The following PPP4R4 variants were observed in gnomAD, a reference collection of about 807,000 sequenced individuals.
PPP4R4 encodes the protein protein phosphatase 4 regulatory subunit 4, also known as serine/threonine-protein phosphatase 4 regulatory subunit 4.
PPP4R4 carries 70 observed loss-of-function variants against 121.8 expected under a neutral mutation model. The ratio of observed to expected loss-of-function variants is 0.57; its 90% CI spans 0.47 to 0.70. The LOEUF is 0.70. Ranked by LOEUF, PPP4R4 falls within the 30% of genes least tolerant of loss-of-function variation. The pLI is 0.00. For missense variants in PPP4R4, 875 were observed against 1,033.6 expected (o/e 0.85, Z 2.10); for synonymous variants, 348 against 355.7 (o/e 0.98, Z 0.24).
intron 3 of PPP4R4, among the ~76,000 whole-genome samples, chr14:94,213,216 C>T (rs2139463684): frequency 6.6e-6 from 1 of 152,140 alleles, no homozygotes; most frequent in East Asian, 1.9e-4. Context: ...GCCCTGAGTC[C>T]TCACTCTTTA....
Position 94,231,243 on chromosome 14 carries a change from T to G in PPP4R4, c.444T>G (p.Gly148=). The stretch of plus-strand genomic sequence containing the variant: ...GTATGTTTTATCTCTGTCAACCAGG[T>G]GTCAGCAATGCATGGCTGGAAACTC... The part of the protein sequence containing the change: ...ILLHLEHRDT[G]VSNAWLETLL... The change falls in exon 5 of 25, where the codon GGT becomes GGG. Residue 148 remains glycine, a splice_region_variant and synonymous_variant. Transcript: ENST00000304338. 1 of 1,609,894 alleles carries G rather than the reference T, an allele frequency of 6.2e-7. No individual in the cohort carries two copies. Among genetic ancestry groups the G allele is most frequent in the East Asian group, 2.2e-5 (1 of 44,790 alleles).
At chr14:94,229,608 T>C (rs1891901705) in intron 3 of PPP4R4, among the ~76,000 whole-genome samples, 1 of 152,190 alleles carries the variant, frequency 6.6e-6, no homozygotes, top group African/African-American at 2.4e-5. Context: ...GTTTAAATGA[T>C]TTAAATCTTC....
chr14:94,230,866 G>C (rs1425931848), intron 4 of PPP4R4, 132 bp downstream of exon 4: 1 of 1,047,258 alleles, frequency 9.5e-7, no homozygotes, highest in Non-Finnish European at 1.3e-6. Flanking sequence ...TTGAGCAGTG[G>C]AATGACTTAA....
chr14:94,276,739 A>C (rs1035673531), intron 24 of PPP4R4, among the ~76,000 whole-genome samples: 1 of 152,146 alleles, frequency 6.6e-6, no homozygotes, highest in Non-Finnish European at 1.5e-5. Context: ...AAACATCCAA[A>C]CTATGTGTAT....
At chr14:94,229,042 A>C (rs1356723920) in intron 3 of PPP4R4, among the ~76,000 whole-genome samples, 1 of 152,210 alleles carries the variant, frequency 6.6e-6, no homozygotes, top group Non-Finnish European at 1.5e-5. Flanking sequence ...ACTGTAAGTC[A>C]TTAAAAGGAC....
rs1893616324 is a variant in PPP4R4, at chr14:94,258,830, T to C, written c.2052+6T>C. ...TGGAAATGTCTATGGATGCTGTAAG[T>C]ATACTCTCTTTACCTTATTGTGTTG... On this transcript the variant is annotated splice_donor_region_variant and intron_variant, in intron 18 of 24. Coordinates refer to ENST00000304338, the MANE Select transcript of PPP4R4 (RefSeq NM_058237.2). The C allele has an allele frequency of 6.3e-7, 1 of 1,583,416 alleles. No homozygotes were observed. Among genetic ancestry groups the C allele is most frequent in the Non-Finnish European group, 8.7e-7 (1 of 1,153,388 alleles).
chr14:94,278,920 A>C lies in PPP4R4; in HGVS notation c.*277A>C, dbSNP rs1894790031. The C allele has an allele frequency of 4.4e-6, 1 of 227,194 alleles. No homozygotes were observed. The highest frequency in any genetic ancestry group is 8.5e-6 in the Non-Finnish European group (1 of 117,084). 14.1% of individuals were successfully genotyped at this position (227,194 alleles called of 1,614,324 possible). On this transcript the variant is annotated 3_prime_UTR_variant, in exon 25 of 25. Transcript: ENST00000304338. ...AAGTGTAATGAAAAACATCTCTAGG[A>C]ATGTGCTTTAACCACTGCTGCAAAA...
intron 23 of PPP4R4, among the ~76,000 whole-genome samples, 176 bp downstream of exon 23, chr14:94,267,205 T>A (rs373003974): frequency 1.1e-4 from 16 of 152,314 alleles, no homozygotes; most frequent in Middle Eastern, 3.4e-3. Context: ...ACTAAACTAT[T>A]TTGTCTTCAC....
chr14:94,230,774 G>T, intron 4 of PPP4R4, 40 bp downstream of exon 4: 1 of 1,550,562 alleles, frequency 6.4e-7, no homozygotes, highest in South Asian at 1.2e-5. Flanking sequence ...CTTGTTTATT[G>T]TTTTTTTGTG....
chr14:94,232,290 C>G lies in PPP4R4; in HGVS notation c.516+975C>G, dbSNP rs1343197252. ...CATGATTGAAAAAAAGAGTCATCAG[C>G]CAATGAAATGTCCTCTACTGACTTC... On this transcript the variant is annotated intron_variant, in intron 5 of 24. Transcript: ENST00000304338. Among the ~76,000 whole-genome samples, 5 of 152,232 alleles carry G rather than the reference C, an allele frequency of 3.3e-5. No homozygotes were observed. In the East Asian group the frequency reaches 9.6e-4, roughly 29 times the overall value.
intron 18 of PPP4R4, 139 bp from the exon 19 acceptor site, chr14:94,259,156 T>G: frequency 1.1e-4 from 144 of 1,315,936 alleles, no homozygotes; most frequent in Non-Finnish European, 1.4e-4. Context: ...CCACAACATG[T>G]GGGAATTAGG....
intron 3 of PPP4R4, among the ~76,000 whole-genome samples, chr14:94,224,903 A>G (rs938235420): frequency 6.6e-6 from 1 of 152,210 alleles, no homozygotes; most frequent in Non-Finnish European, 1.5e-5. Context: ...AAGCTTAAGA[A>G]CTAGAAGTGT....
intron 8 of PPP4R4, 151 bp from the exon 9 acceptor site, chr14:94,240,522 C>T (rs1265936107): frequency 3.9e-6 from 3 of 775,306 alleles, no homozygotes; most frequent in Non-Finnish European, 5.8e-6. Flanking sequence ...TTTCACCACC[C>T]ACCTCCATCG....
At chr14:94,240,631 C>T (rs759837267) in intron 8 of PPP4R4, 42 bp from the exon 9 acceptor site, 67 of 1,569,804 alleles carry the variant, frequency 4.3e-5, no homozygotes, top group Admixed American at 1.3e-4. Context: ...GCAATGTGGA[C>T]GACTGAATTT....
chr14:94,199,998 C>G (rs1054704260), intron 2 of PPP4R4, among the ~76,000 whole-genome samples: 5 of 152,118 alleles, frequency 3.3e-5, no homozygotes, highest in Non-Finnish European at 5.9e-5. Flanking sequence ...CTGTCCTCAC[C>G]TAGGTCCGTG....
At chr14:94,206,447 C>G (rs1890465902) in intron 2 of PPP4R4, among the ~76,000 whole-genome samples, 1 of 151,772 alleles carries the variant, frequency 6.6e-6, no homozygotes, top group Non-Finnish European at 1.5e-5. Context: ...ATATTTAGAC[C>G]ACTTATATTT....
At chr14:94,235,691 G>A (rs868800657) in intron 7 of PPP4R4, among the ~76,000 whole-genome samples, 9 of 152,096 alleles carry the variant, frequency 5.9e-5, no homozygotes, top group Admixed American at 3.9e-4. Context: ...GAGCCACCGC[G>A]CCCAGCTGTT....
intron 2 of PPP4R4, among the ~76,000 whole-genome samples, chr14:94,193,473 G>A (rs10141921): frequency 0.76 from 116,188 of 152,064 alleles, 45,237 homozygotes; most frequent in Admixed American, 0.83. Flanking sequence ...AATAAGATGA[G>A]TGCAAGTAAG....
intron 16 of PPP4R4, among the ~76,000 whole-genome samples, chr14:94,253,001 T>C (rs1893270378): frequency 2.0e-5 from 3 of 152,242 alleles, no homozygotes; most frequent in Admixed American, 1.3e-4. Flanking sequence ...TTAAGACTTT[T>C]ATGAGCATTT....
Sources: allele counts gnomAD v4.1 joint callset (sites outside exome capture counted in the v4.1 genomes callset), GRCh38; gene constraint gnomAD v4.1.1; transcripts MANE v1.5; gene names NCBI Gene and HGNC (gene_info 2026-07-23, HGNC 2026-07-21).